The following NXPE3 variants were observed in gnomAD, a reference collection of about 807,000 sequenced individuals.
NXPE3 encodes NXPE family member 3.
NXPE3 carries 26 observed loss-of-function variants against 46.1 expected under a neutral mutation model. That is an observed-to-expected ratio of 0.56 (90% confidence interval 0.41 to 0.78). The LOEUF is 0.78. NXPE3 is among the 30% of genes least tolerant of loss of function. NXPE3 has a pLI of 0.00. For synonymous variants in NXPE3, 272 were observed against 257.9 expected (o/e 1.05, Z -0.52); for missense variants, 620 against 686.0 (o/e 0.90, Z 1.07).
rs966465785 is a variant in NXPE3, at chr3:101,827,746, G to A, written c.*5792G>A. On this transcript the variant is annotated 3_prime_UTR_variant, in exon 8 of 8. Transcript: ENST00000273347. ...CCCTCGAGGGGAATGTCCGGGACTC[G>A]GGTCGGTACCTTTTTGGTCTGGGAA... Among the ~76,000 whole-genome samples the A allele has an allele frequency of 6.6e-6, 1 of 152,128 alleles. No individual in the cohort carries two copies. The highest frequency in any genetic ancestry group is 1.5e-5 in the Non-Finnish European group (1 of 68,028).
chr3:101,799,305 A>T (rs1941010821), intron 4 of NXPE3, among the ~76,000 whole-genome samples: 1 of 152,194 alleles, frequency 6.6e-6, no homozygotes, highest in Non-Finnish European at 1.5e-5. Context: ...TTGTAAAATT[A>T]ATTTTATTTC....
chr3:101,809,862 A>G (rs912607170), intron 6 of NXPE3, among the ~76,000 whole-genome samples: 1 of 152,196 alleles, frequency 6.6e-6, no homozygotes, highest in Non-Finnish European at 1.5e-5. Context: ...TTCTGGCACC[A>G]CAAGATATTT....
In NXPE3 at chr3:101,826,354, C is replaced by T. The variant is rs142633202; in HGVS notation, c.*4400C>T. On this transcript the variant is annotated 3_prime_UTR_variant, in exon 8 of 8. Transcript: ENST00000273347. ...TTTCTAAAAAACTGCTCAGCATTAT[C>T]TCTGTGGATTCTGGGTAAATTCAGC... The T allele has an allele frequency of 6.3e-4, 96 of 152,294 alleles. No individual in the cohort carries two copies. Among genetic ancestry groups the T allele is most frequent in the African/African-American group, 2.2e-3 (90 of 41,548 alleles). 9.4% of individuals were successfully genotyped at this position (152,294 alleles called of 1,614,324 possible). A position where few individuals can be genotyped will look rare whatever the true frequency, so the allele number is the denominator to read the frequency against.
Position 101,808,854 on chromosome 3 carries a change from T to TATATATATATACACATATATATATAC in NXPE3, c.922+1730_922+1731insATATATATACACATATATATATACAT, listed in dbSNP as rs770360739. On this transcript the variant is annotated intron_variant, in intron 6 of 7. Transcript: ENST00000273347. ...ATATATATATATATATATATATATA[T>TATATATATATACACATATATATATAC]ATGAGACATTTATCTTTTATCTGTT... Among the ~76,000 whole-genome samples the TATATATATATACACATATATATATAC allele has an allele frequency of 1.6e-3, 160 of 100,324 alleles. 12 individuals carry two copies. Among genetic ancestry groups the TATATATATATACACATATATATATAC allele is most frequent in the African/African-American group, 2.2e-3 (61 of 27,984 alleles). The allele number at this position is 100,324 out of a possible 152,430, so 65.8% of individuals were successfully genotyped here. A position where few individuals can be genotyped will look rare whatever the true frequency, so the allele number is the denominator to read the frequency against.
chr3:101,812,992 G>A (rs1043392797), intron 6 of NXPE3, among the ~76,000 whole-genome samples: 2 of 151,964 alleles, frequency 1.3e-5, no homozygotes, highest in African/African-American at 2.4e-5. Context: ...AATTTCCAAG[G>A]TTTCATAGGG....
At chr3:101,804,213 C>A (rs183953255) in intron 5 of NXPE3, among the ~76,000 whole-genome samples, 1 of 152,138 alleles carries the variant, frequency 6.6e-6, no homozygotes, top group African/African-American at 2.4e-5. Context: ...TAGTAATTTA[C>A]GCAAATTCCA....
chr3:101,821,140 A>C (rs1316567605), intron 7 of NXPE3, among the ~76,000 whole-genome samples: 1 of 152,198 alleles, frequency 6.6e-6, no homozygotes, highest in Non-Finnish European at 1.5e-5. Flanking sequence ...AGACAGGTGT[A>C]GTGTAGAGTC....
At chr3:101,780,739 A>G (rs1163424691) in intron 1 of NXPE3, among the ~76,000 whole-genome samples, 2 of 152,230 alleles carry the variant, frequency 1.3e-5, no homozygotes, top group Non-Finnish European at 2.9e-5. Flanking sequence ...CACTTAGTAC[A>G]GTGTGACTTA....
intron 5 of NXPE3, among the ~76,000 whole-genome samples, chr3:101,804,369 A>G (rs527440336): frequency 1.3e-5 from 2 of 152,338 alleles, no homozygotes; most frequent in Admixed American, 1.3e-4. Flanking sequence ...TTCCTTGCAT[A>G]TCCTGGGTGA....
chr3:101,814,596 T>C (rs1006092841), intron 6 of NXPE3, among the ~76,000 whole-genome samples: 4 of 152,252 alleles, frequency 2.6e-5, no homozygotes, highest in Non-Finnish European at 5.9e-5. Context: ...CTAAAAGTAG[T>C]CACAAATAGG....
intron 5 of NXPE3, among the ~76,000 whole-genome samples, chr3:101,803,713 G>C (rs1176631591): frequency 1.3e-5 from 2 of 152,158 alleles, no homozygotes; most frequent in Non-Finnish European, 2.9e-5. Context: ...TCAACGTCCC[G>C]GGTTCGACGG....
At chr3:101,803,744 C>T (rs183337121) in intron 5 of NXPE3, among the ~76,000 whole-genome samples, 47 of 152,260 alleles carry the variant, frequency 3.1e-4, no homozygotes, top group Admixed American at 2.6e-3. Flanking sequence ...CTCAGCCTCC[C>T]GAGTAGTTCG....
chr3:101,787,720 G>C (rs1458352054), intron 4 of NXPE3, among the ~76,000 whole-genome samples: 1 of 152,166 alleles, frequency 6.6e-6, no homozygotes, highest in Non-Finnish European at 1.5e-5. Context: ...ATACTTCTCT[G>C]TCTACACATA....
intron 4 of NXPE3, among the ~76,000 whole-genome samples, chr3:101,789,038 T>C (rs1164885314): frequency 6.6e-6 from 1 of 152,240 alleles, no homozygotes; most frequent in African/African-American, 2.4e-5. Flanking sequence ...CAGAGATTTG[T>C]GTTTTATTGA....
chr3:101,802,035 A>T, intron 5 of NXPE3, 46 bp downstream of exon 5: 2 of 1,532,344 alleles, frequency 1.3e-6, no homozygotes. Flanking sequence ...GTTCTTTTCC[A>T]CTGTCCTTGT....
At chr3:101,805,466 T>C (rs1941372793) in intron 5 of NXPE3, among the ~76,000 whole-genome samples, 2 of 151,866 alleles carry the variant, frequency 1.3e-5, no homozygotes, top group Non-Finnish European at 2.9e-5. Context: ...TGTCGCTTTG[T>C]CATCCAGGCT....
intron 4 of NXPE3, among the ~76,000 whole-genome samples, chr3:101,789,566 TAATA>T (rs1940385131): frequency 6.6e-6 from 1 of 152,076 alleles, no homozygotes; most frequent in African/African-American, 2.4e-5. Context: ...AAAATAAAAA[TAATA>T]AAAAATGTAT....
intron 6 of NXPE3, among the ~76,000 whole-genome samples, chr3:101,808,351 C>T (rs926708553): frequency 2.0e-5 from 3 of 152,112 alleles, no homozygotes; most frequent in Non-Finnish European, 4.4e-5. Flanking sequence ...ACTAATAGTA[C>T]TGCACTCTGC....
chr3:101,814,844 T>C (rs1237427328), intron 6 of NXPE3, among the ~76,000 whole-genome samples: 1 of 152,134 alleles, frequency 6.6e-6, no homozygotes, highest in East Asian at 1.9e-4. Flanking sequence ...TGAGAAGTGA[T>C]CTAGCACACA....
Sources: gnomAD v4.1 joint callset for allele counts (sites outside exome capture counted in the v4.1 genomes callset) on GRCh38, gnomAD v4.1.1 for gene constraint, MANE v1.5 for transcripts, NCBI Gene and HGNC (gene_info 2026-07-23, HGNC 2026-07-21) for gene names.